Variants in SNTB1 observed in about 807,000 individuals in gnomAD.
SNTB1 encodes the protein beta-1-syntrophin.
In SNTB1, 36 loss-of-function variants were observed where a neutral mutation model predicts 48.9. That is an observed-to-expected ratio of 0.74 (90% CI 0.56 to 0.97). The LOEUF (loss-of-function observed/expected upper bound fraction) is 0.97. Ranked by LOEUF, SNTB1 falls within the 50% of genes least tolerant of loss-of-function variation. SNTB1 has a pLI of 0.00. For missense variants in SNTB1, 786 were observed against 703.4 expected, an observed-to-expected ratio of 1.12 and a Z score of -1.33; for synonymous variants, 299 against 294.6, an observed-to-expected ratio of 1.01 and a Z score of -0.15.
chr8:120,809,389 T>G (rs1820390094), intron 1 of SNTB1, among the ~76,000 whole-genome samples: 2 of 152,178 alleles, frequency 1.3e-5, no homozygotes, highest in South Asian at 4.1e-4. Context: ...ATTAGAGGTT[T>G]TTACAAAACT....
intron 2 of SNTB1, among the ~76,000 whole-genome samples, chr8:120,681,449 ATG>A (rs1041702137): frequency 8.5e-5 from 13 of 152,304 alleles, no homozygotes; most frequent in African/African-American, 3.1e-4. Context: ...TTCCATCCAG[ATG>A]TGAGTCCCTT....
At chr8:120,541,569 CT>C (rs1815289936) in intron 6 of SNTB1, among the ~76,000 whole-genome samples, 1 of 152,172 alleles carries the variant, frequency 6.6e-6, no homozygotes, top group African/African-American at 2.4e-5. Flanking sequence ...TTTAATCTAA[CT>C]TTGTAAAGGA....
intron 3 of SNTB1, among the ~76,000 whole-genome samples, chr8:120,630,427 T>C (rs1041934228): frequency 1.3e-5 from 2 of 152,242 alleles, no homozygotes; most frequent in African/African-American, 4.8e-5. Context: ...CTTACTACTG[T>C]TGGCCCTGGA....
rs148008600 is a variant in SNTB1 at position 120,574,693 on chromosome 8, G to A, written c.1136+393C>T. 5.3e-3 allele frequency among the ~76,000 whole-genome samples: 807 copies of A among 152,278 alleles called. 8 individuals are homozygous for A. The highest frequency in any genetic ancestry group is 9.7e-3 in the Non-Finnish European group (658 of 68,026). ...TGAACAAGCCTTAAAAAGCACAGTG[G>A]AGCATTCCCACATAACATTCTTTTG... On this transcript the variant is annotated intron_variant, in intron 4 of 6. Coordinates refer to ENST00000517992, the MANE Select transcript of SNTB1 (RefSeq NM_021021.4).
At chr8:120,563,937 T>TC (rs1193710091) in intron 4 of SNTB1, among the ~76,000 whole-genome samples, 2 of 151,912 alleles carry the variant, frequency 1.3e-5, no homozygotes, top group South Asian at 2.1e-4. Context: ...TGAAACCCCA[T>TC]TCTACTAAAA....
At chr8:120,579,986 T>A (rs961529349) in intron 3 of SNTB1, among the ~76,000 whole-genome samples, 1 of 152,156 alleles carries the variant, frequency 6.6e-6, no homozygotes, top group African/African-American at 2.4e-5. Flanking sequence ...TTACTTGCCT[T>A]TGCTGGGTCA....
At chr8:120,715,219 T>A (rs914283253) in intron 1 of SNTB1, among the ~76,000 whole-genome samples, 1 of 152,248 alleles carries the variant, frequency 6.6e-6, no homozygotes, top group African/African-American at 2.4e-5. Flanking sequence ...AAAGCAAATT[T>A]AGCCTAAATG....
chr8:120,638,545 T>A (rs1233067169), intron 2 of SNTB1, among the ~76,000 whole-genome samples: 1 of 152,112 alleles, frequency 6.6e-6, no homozygotes, highest in Admixed American at 6.5e-5. Context: ...CCTAATGCTA[T>A]CCCCTCCTCA....
intron 3 of SNTB1, among the ~76,000 whole-genome samples, chr8:120,616,303 T>A (rs1234384557): frequency 1.3e-5 from 2 of 149,586 alleles, no homozygotes; most frequent in African/African-American, 4.9e-5. Flanking sequence ...GCTTGATTTT[T>A]TTTTTTTTTT....
rs1587067436 is a variant in SNTB1 at position 120,655,905 on chromosome 8, C to T, written c.789-23254G>A. 3.3e-5 allele frequency among the ~76,000 whole-genome samples: 5 copies of T among 152,252 alleles called. 1 individual carries two copies. The highest frequency in any genetic ancestry group is 3.3e-4 in the Admixed American group (5 of 15,294). On this transcript the variant is annotated intron_variant, in intron 2 of 6. Transcript: ENST00000517992. ...AAGGCAGGAAGGAGGAGGCACCCCA[C>T]TTTTAGGTAGAGCTTGGCCAATCTC...
intron 3 of SNTB1, among the ~76,000 whole-genome samples, chr8:120,596,527 G>C (rs1304603242): frequency 6.7e-6 from 1 of 149,776 alleles, no homozygotes; most frequent in Non-Finnish European, 1.5e-5. Flanking sequence ...TGTCAGCATG[G>C]CTGTGCTCCT....
intron 5 of SNTB1, among the ~76,000 whole-genome samples, chr8:120,545,031 A>T (rs1487290704): frequency 6.6e-6 from 1 of 152,174 alleles, no homozygotes; most frequent in Non-Finnish European, 1.5e-5. Context: ...ATGTTAACAC[A>T]TGCCACATCT....
intron 1 of SNTB1, among the ~76,000 whole-genome samples, chr8:120,732,812 TCCAGC>T (rs1818873756): frequency 6.6e-6 from 1 of 152,024 alleles, no homozygotes; most frequent in Admixed American, 6.6e-5. Flanking sequence ...CGCTGTGCAC[TCCAGC>T]CCAGCCTGGG....
At chr8:120,784,403 T>C (rs549001539) in intron 1 of SNTB1, among the ~76,000 whole-genome samples, 12 of 152,206 alleles carry the variant, frequency 7.9e-5, no homozygotes, top group African/African-American at 1.4e-4. Context: ...AGATCTCCTA[T>C]AATATCTCAA....
intron 2 of SNTB1, among the ~76,000 whole-genome samples, chr8:120,658,931 G>T (rs920356840): frequency 7.3e-5 from 11 of 151,630 alleles, no homozygotes; most frequent in African/African-American, 2.7e-4. Flanking sequence ...AAATCTTGCT[G>T]CTGCTTTATC....
intron 2 of SNTB1, among the ~76,000 whole-genome samples, chr8:120,663,838 A>G (rs1817631150): frequency 6.6e-6 from 1 of 152,194 alleles, no homozygotes; most frequent in South Asian, 2.1e-4. Flanking sequence ...GCAGAAGTGC[A>G]AAAGAGAGAA....
At chr8:120,634,000 C>T (rs1047216915) in intron 2 of SNTB1, among the ~76,000 whole-genome samples, 1 of 152,102 alleles carries the variant, frequency 6.6e-6, no homozygotes, top group African/African-American at 2.4e-5. Context: ...ACTCCATCAC[C>T]ACAAAGCAGA....
intron 1 of SNTB1, among the ~76,000 whole-genome samples, chr8:120,794,901 TA>T (rs1820096555): frequency 1.3e-5 from 2 of 152,064 alleles, no homozygotes; most frequent in Admixed American, 6.6e-5. Flanking sequence ...CAAACCATTT[TA>T]AAACCATCTA....
rs77488019 is a variant in SNTB1, at chr8:120,785,715, A to ACC, written c.571+25556_571+25557dup. Reference sequence around the variant, plus strand: ...TCCATGGCCCCGCCCACTGCCTGAGACCCCAGAGTACCTACTCTGGGAAAC... The same window carrying ACC: ...TCCATGGCCCCGCCCACTGCCTGAGACCCCCCAGAGTACCTACTCTGGGAAAC... On this transcript the variant is annotated intron_variant, in intron 1 of 6. Coordinates refer to ENST00000517992, the MANE Select transcript of SNTB1 (RefSeq NM_021021.4). 2.0e-5 allele frequency among the ~76,000 whole-genome samples: 3 copies of ACC among 151,894 alleles called. 1 individual carries two copies. The highest frequency in any genetic ancestry group is 2.9e-5 in the Non-Finnish European group (2 of 67,934).
Sources: gnomAD v4.1 joint callset for allele counts (sites outside exome capture counted in the v4.1 genomes callset) on GRCh38, gnomAD v4.1.1 for gene constraint, MANE v1.5 for transcripts, NCBI Gene and HGNC (gene_info 2026-07-23, HGNC 2026-07-21) for gene names.